Variants in UST observed in about 807,000 individuals in gnomAD.
UST encodes the protein chondroitin sulfate 2-O-sulfotransferase.
In UST, 21 loss-of-function variants were observed where a neutral mutation model predicts 45.6. That is an observed-to-expected ratio of 0.46 (90% CI 0.33 to 0.66). The LOEUF (loss-of-function observed/expected upper bound fraction) is 0.66. Ranked by LOEUF, UST falls within the 30% of genes least tolerant of loss-of-function variation. The pLI, the probability that UST is intolerant of heterozygous loss-of-function variation, is 0.02. For synonymous variants in UST, 215 were observed against 200.6 expected (o/e 1.07, Z -0.61); for missense variants, 463 against 512.4 (o/e 0.90, Z 0.93).
intron 2 of UST, among the ~76,000 whole-genome samples, chr6:148,907,293 A>G (rs1779382075): frequency 6.6e-6 from 1 of 152,228 alleles, no homozygotes; most frequent in Non-Finnish European, 1.5e-5. Flanking sequence ...AATTTAGTAT[A>G]TTGCAGACCA....
chr6:148,836,500 A>G (rs993036509), intron 1 of UST, among the ~76,000 whole-genome samples: 1 of 152,246 alleles, frequency 6.6e-6, no homozygotes, highest in Non-Finnish European at 1.5e-5. Context: ...TCCAGCGTTC[A>G]GGCACGAACC....
chr6:148,756,045 C>T (rs1239461566), intron 1 of UST, among the ~76,000 whole-genome samples: 3 of 142,690 alleles, frequency 2.1e-5, no homozygotes, highest in Non-Finnish European at 4.5e-5. Context: ...TGTGATGTTC[C>T]CCTTCCTGTG....
Position 149,056,111 on chromosome 6 carries a change from T to C in UST, c.938-17722T>C, listed in dbSNP as rs371859122. On this transcript the variant is annotated intron_variant, in intron 7 of 7. Transcript: ENST00000367463. ...TAACTCTGTTACTCTGCTTTTCTTTTCTTTTCTTTTTTTTTTTTTTTTTTT... is the reference window on the plus strand; with the variant it reads ...TAACTCTGTTACTCTGCTTTTCTTTCCTTTTCTTTTTTTTTTTTTTTTTTT... Among the ~76,000 whole-genome samples, 586 of 130,956 alleles carry C rather than the reference T, an allele frequency of 4.5e-3. 1 individual carries two copies. Among genetic ancestry groups the C allele is most frequent in the African/African-American group, 0.016 (568 of 35,078 alleles). 85.9% of individuals were successfully genotyped at this position (130,956 alleles called of 152,430 possible).
intron 1 of UST, among the ~76,000 whole-genome samples, chr6:148,771,796 G>T (rs1246754787): frequency 6.6e-6 from 1 of 152,178 alleles, no homozygotes; most frequent in Non-Finnish European, 1.5e-5. Context: ...GAGAGTTTTT[G>T]CAGGTAACTA....
intron 1 of UST, among the ~76,000 whole-genome samples, chr6:148,797,033 G>A (rs1290143222): frequency 6.6e-6 from 1 of 151,962 alleles, no homozygotes; most frequent in African/African-American, 2.4e-5. Flanking sequence ...CTGACCTCAG[G>A]TGATCCACCG....
chr6:148,975,988 T>A (rs1442463702), intron 5 of UST, among the ~76,000 whole-genome samples: 1 of 152,176 alleles, frequency 6.6e-6, no homozygotes, highest in South Asian at 2.1e-4. Context: ...ATAGGCAACA[T>A]TAACAGGCAA....
chr6:148,924,434 A>C (rs561548346), intron 2 of UST, among the ~76,000 whole-genome samples: 31 of 152,278 alleles, frequency 2.0e-4, no homozygotes, highest in African/African-American at 7.5e-4. Flanking sequence ...CCTCGGGCAC[A>C]CAGTAGGAAG....
Position 149,023,306 on chromosome 6 carries a change from T to G in UST, c.937+1825T>G, listed in dbSNP as rs868163584. Among the ~76,000 whole-genome samples the G allele has an allele frequency of 4.6e-5, 7 of 152,296 alleles. No homozygotes were observed. In the South Asian group the frequency reaches 1.5e-3, roughly 32 times the overall value. ...GCTCAGTCATTTGCTCTGAGAGAGA[T>G]CAGCTGCTATGGATGAAGAGAGGTT... On this transcript the variant is annotated intron_variant, in intron 7 of 7. Coordinates refer to ENST00000367463, the MANE Select transcript of UST (RefSeq NM_005715.3).
At chr6:149,006,724 T>C (rs1318118323) in intron 5 of UST, among the ~76,000 whole-genome samples, 3 of 152,208 alleles carry the variant, frequency 2.0e-5, no homozygotes, top group Non-Finnish European at 4.4e-5. Flanking sequence ...CAGTGCAAAA[T>C]GTTCCTATTT....
intron 5 of UST, among the ~76,000 whole-genome samples, chr6:148,977,884 C>A (rs755575415): frequency 3.9e-5 from 6 of 151,940 alleles, no homozygotes; most frequent in African/African-American, 4.8e-5. Flanking sequence ...GGAGGATTGA[C>A]GTCTGTATGT....
intron 1 of UST, among the ~76,000 whole-genome samples, chr6:148,762,544 T>A (rs1776241184): frequency 6.6e-6 from 1 of 151,876 alleles, no homozygotes; most frequent in Non-Finnish European, 1.5e-5. Flanking sequence ...TCTTTTTTTT[T>A]TTTTTTTAAT....
At chr6:148,964,699 C>T (rs1316525123) in intron 5 of UST, 136 bp downstream of exon 5, 13 of 1,138,866 alleles carry the variant, frequency 1.1e-5, no homozygotes, top group Middle Eastern at 3.0e-4. Flanking sequence ...AGGGTGCTTC[C>T]GCAGGAAGGA....
chr6:148,978,290 C>T (rs1210545062), intron 5 of UST, among the ~76,000 whole-genome samples: 1 of 152,176 alleles, frequency 6.6e-6, no homozygotes, highest in African/African-American at 2.4e-5. Flanking sequence ...AATCCCATTA[C>T]TGGGTATATA....
At chr6:148,760,426 T>TG (rs1776192213) in intron 1 of UST, among the ~76,000 whole-genome samples, 1 of 152,206 alleles carries the variant, frequency 6.6e-6, no homozygotes, top group Non-Finnish European at 1.5e-5. Flanking sequence ...CACAGTGTGG[T>TG]GAGCTACTCC....
intron 1 of UST, among the ~76,000 whole-genome samples, chr6:148,875,434 G>T (rs1004874909): frequency 7.9e-5 from 12 of 152,132 alleles, no homozygotes; most frequent in African/African-American, 2.9e-4. Context: ...ATTAATATTT[G>T]TCCTTTATAC....
intron 4 of UST, among the ~76,000 whole-genome samples, chr6:148,962,085 C>T (rs1192724814): frequency 6.6e-6 from 1 of 152,246 alleles, no homozygotes; most frequent in African/African-American, 2.4e-5. Context: ...AAGATATATA[C>T]AAGACACCTG....
At chr6:149,068,034 T>A (rs971395089) in intron 7 of UST, among the ~76,000 whole-genome samples, 1 of 151,892 alleles carries the variant, frequency 6.6e-6, no homozygotes, top group Non-Finnish European at 1.5e-5. Flanking sequence ...CGTGCCCAAT[T>A]TTTTTTTAAT....
chr6:148,842,019 T>C lies in UST; in HGVS notation c.248-44967T>C, dbSNP rs149351517. 5.0e-3 allele frequency among the ~76,000 whole-genome samples: 758 copies of C among 152,164 alleles called. 7 individuals carry two copies. The highest frequency in any genetic ancestry group is 0.017 in the African/African-American group (721 of 41,500). ...TCCTCAGGAGGCTGAGGCAGGAGAATCACTTGAACCCAGGAGGCAGAGATT... is the reference window on the plus strand; with the variant it reads ...TCCTCAGGAGGCTGAGGCAGGAGAACCACTTGAACCCAGGAGGCAGAGATT... On this transcript the variant is annotated intron_variant, in intron 1 of 7. Coordinates refer to ENST00000367463, the MANE Select transcript of UST (RefSeq NM_005715.3).
intron 5 of UST, among the ~76,000 whole-genome samples, chr6:148,997,903 A>T (rs898416329): frequency 6.6e-6 from 1 of 152,202 alleles, no homozygotes; most frequent in Non-Finnish European, 1.5e-5. Flanking sequence ...CTAAGTCAGG[A>T]TCATGGAGCA....
Sources: gnomAD v4.1 joint callset for allele counts (sites outside exome capture counted in the v4.1 genomes callset) on GRCh38, gnomAD v4.1.1 for gene constraint, MANE v1.5 for transcripts, NCBI Gene and HGNC (gene_info 2026-07-23, HGNC 2026-07-21) for gene names.